The following FGF12 variants were observed in gnomAD, a reference collection of about 807,000 sequenced individuals.
The protein encoded by FGF12 is fibroblast growth factor 12B.
A neutral mutation model predicts 23.6 loss-of-function variants in FGF12; 14 were observed. The ratio of observed to expected loss-of-function variants is 0.59; its 90% CI spans 0.39 to 0.93. FGF12 has a LOEUF of 0.93. FGF12 is among the 40% of genes least tolerant of loss of function. FGF12 has a pLI of 0.00. For synonymous variants in FGF12, 62 were observed against 77.3 expected (o/e 0.80, Z 1.04); for missense variants, 175 against 217.8 (o/e 0.80, Z 1.24).
At chr3:192,332,846 T>A (rs1393595583) in intron 4 of FGF12, among the ~76,000 whole-genome samples, 2 of 152,090 alleles carry the variant, frequency 1.3e-5, no homozygotes, top group Non-Finnish European at 2.9e-5. Context: ...CATAGAAAAT[T>A]GCTTTTCAAA....
Position 192,143,963 on chromosome 3 carries a change from A to AGGGAAGGGGAAGGGATGAGAGAGGG in FGF12, c.*21_*45dup. The AGGGAAGGGGAAGGGATGAGAGAGGG allele has an allele frequency of 8.6e-7, 1 of 1,165,958 alleles. No homozygotes were observed. The highest frequency in any genetic ancestry group is 1.2e-5 in the South Asian group (1 of 80,464). The allele number at this position is 1,165,958 out of a possible 1,614,324, so 72.2% of individuals were successfully genotyped here. ...GAAGGAAATGGGTAAATGGGAAGGA[A>AGGGAAGGGGAAGGGATGAGAGAGGG]GGGAAGGGGAAGGGATGAGAGAGGG... On this transcript the variant is annotated 3_prime_UTR_variant, in exon 6 of 6. Coordinates refer to ENST00000445105, the MANE Select transcript of FGF12 (RefSeq NM_004113.6).
chr3:192,318,300 T>TG (rs1202627015), intron 4 of FGF12, among the ~76,000 whole-genome samples: 2 of 152,116 alleles, frequency 1.3e-5, no homozygotes, highest in East Asian at 3.9e-4. Context: ...GAATTCAAAA[T>TG]AATTGTTTTG....
intron 2 of FGF12, among the ~76,000 whole-genome samples, chr3:192,695,454 A>G (rs1718086178): frequency 6.6e-6 from 1 of 152,152 alleles, no homozygotes; most frequent in Non-Finnish European, 1.5e-5. Flanking sequence ...AATTCTGTTA[A>G]ACTGCAGGCT....
Position 192,254,125 on chromosome 3 carries a change from T to C in FGF12, c.228+81236A>G, listed in dbSNP as rs188024538. 1.6e-3 allele frequency among the ~76,000 whole-genome samples: 250 copies of C among 152,072 alleles called. 2 individuals are homozygous for C. The highest frequency in any genetic ancestry group is 5.7e-3 in the African/African-American group (238 of 41,530). ...TTGTACCATAGTTCTCTTGAACTTA[T>C]TCCTCCTATCAAACTGAAATTTTGT... On this transcript the variant is annotated intron_variant, in intron 4 of 5. Transcript: ENST00000445105.
intron 2 of FGF12, among the ~76,000 whole-genome samples, chr3:192,546,717 C>T (rs948441552): frequency 7.0e-6 from 1 of 143,404 alleles, no homozygotes; most frequent in African/African-American, 2.6e-5. Flanking sequence ...ATGAGTGAAC[C>T]CTAACTCAGT....
intron 2 of FGF12, among the ~76,000 whole-genome samples, chr3:192,685,745 A>C (rs1207898210): frequency 6.6e-6 from 1 of 152,242 alleles, no homozygotes; most frequent in African/African-American, 2.4e-5. Context: ...GAGAAAAATA[A>C]TAATACTTCC....
chr3:192,578,364 G>A (rs900714282), intron 2 of FGF12, among the ~76,000 whole-genome samples: 8 of 152,082 alleles, frequency 5.3e-5, no homozygotes, highest in Non-Finnish European at 1.0e-4. Context: ...CCAAGGTCAC[G>A]CAGCTAGGAA....
At chr3:192,598,622 G>A (rs1713965367) in intron 2 of FGF12, among the ~76,000 whole-genome samples, 1 of 152,142 alleles carries the variant, frequency 6.6e-6, no homozygotes. Context: ...TGCAGGTTCT[G>A]CATCAGTAGG....
chr3:192,552,311 G>C (rs1228952558), intron 2 of FGF12, among the ~76,000 whole-genome samples: 3 of 151,970 alleles, frequency 2.0e-5, no homozygotes, highest in African/African-American at 7.2e-5. Context: ...TCCAGAGGAA[G>C]AAGAAAAGGA....
chr3:192,277,871 T>G (rs973435445), intron 4 of FGF12, among the ~76,000 whole-genome samples: 1 of 152,222 alleles, frequency 6.6e-6, no homozygotes, highest in Non-Finnish European at 1.5e-5. Flanking sequence ...CAAGCGATTC[T>G]TCTGCCTCAG....
intron 4 of FGF12, among the ~76,000 whole-genome samples, chr3:192,209,996 C>T (rs1717846382): frequency 6.6e-6 from 1 of 152,194 alleles, no homozygotes; most frequent in African/African-American, 2.4e-5. Flanking sequence ...TTTCACTGGG[C>T]TTCTGTTTTT....
Position 192,304,503 on chromosome 3 carries a change from T to C in FGF12, c.228+30858A>G, listed in dbSNP as rs1335459078. Reference sequence around the variant, plus strand: ...TTTTTATCTTATTATCAAAATTCTCTCCTGCATAGAAAGGAAAGACCAGGA... The same window carrying C: ...TTTTTATCTTATTATCAAAATTCTCCCCTGCATAGAAAGGAAAGACCAGGA... On this transcript the variant is annotated intron_variant, in intron 4 of 5. Coordinates refer to ENST00000445105, the MANE Select transcript of FGF12 (RefSeq NM_004113.6). Among the ~76,000 whole-genome samples, 3 of 152,240 alleles carry C rather than the reference T, an allele frequency of 2.0e-5. No homozygotes were observed. The East Asian group carries it at 5.8e-4, about 29-fold the overall frequency.
intron 5 of FGF12, among the ~76,000 whole-genome samples, chr3:192,154,776 T>C (rs1200572970): frequency 1.4e-5 from 2 of 145,626 alleles, no homozygotes; most frequent in African/African-American, 5.1e-5. Flanking sequence ...TGTTTGTCTG[T>C]GCCCTGCCCC....
chr3:192,564,169 T>C (rs896339374), intron 2 of FGF12, among the ~76,000 whole-genome samples: 1 of 152,234 alleles, frequency 6.6e-6, no homozygotes, highest in Non-Finnish European at 1.5e-5. Flanking sequence ...GTTCAAGTGA[T>C]TCTCCTGCCT....
At chr3:192,452,423 A>AT (rs144961867) in intron 2 of FGF12, among the ~76,000 whole-genome samples, 1 of 151,978 alleles carries the variant, frequency 6.6e-6, no homozygotes, top group African/African-American at 2.4e-5. Context: ...TTTATTATGG[A>AT]TTTTTTGTGG....
At chr3:192,630,760 A>C (rs1238860301) in intron 2 of FGF12, among the ~76,000 whole-genome samples, 1 of 150,250 alleles carries the variant, frequency 6.7e-6, no homozygotes, top group Non-Finnish European at 1.5e-5. Flanking sequence ...GGGTTTCACC[A>C]TGTTAGCCAG....
At chr3:192,365,844 G>A (rs1348421668) in intron 2 of FGF12, among the ~76,000 whole-genome samples, 4 of 151,862 alleles carry the variant, frequency 2.6e-5, no homozygotes, top group South Asian at 2.1e-4. Context: ...CTAGGTACAC[G>A]ATGGAAACCC....
chr3:192,445,261 A>G (rs1722318981), intron 2 of FGF12, among the ~76,000 whole-genome samples: 1 of 152,206 alleles, frequency 6.6e-6, no homozygotes, highest in African/African-American at 2.4e-5. Context: ...GCCCTACCCA[A>G]CATCAACTGA....
In FGF12 at chr3:192,414,726, C is replaced by T. The variant is rs1721292152; in HGVS notation, c.14-54188G>A. Reference sequence around the variant, plus strand: ...AGGCCTTTTAACCTCAATGTGACTACTGCCCTAACTAAAGTAACCTGGAGG... The same window carrying T: ...AGGCCTTTTAACCTCAATGTGACTATTGCCCTAACTAAAGTAACCTGGAGG... On this transcript the variant is annotated intron_variant, in intron 2 of 5. Coordinates refer to ENST00000445105, the MANE Select transcript of FGF12 (RefSeq NM_004113.6). Among the ~76,000 whole-genome samples, 4 of 152,160 alleles carry T rather than the reference C, an allele frequency of 2.6e-5. No homozygotes were observed. The South Asian group carries it at 8.3e-4, about 32-fold the overall frequency.
Sources: allele counts gnomAD v4.1 joint callset (sites outside exome capture counted in the v4.1 genomes callset), GRCh38; gene constraint gnomAD v4.1.1; transcripts MANE v1.5; gene names NCBI Gene and HGNC (gene_info 2026-07-23, HGNC 2026-07-21).